Variants in PHLPP1 observed in about 807,000 individuals in gnomAD.
The protein encoded by PHLPP1 is PH domain leucine-rich repeat-containing protein phosphatase 1.
PHLPP1 carries 42 observed loss-of-function variants against 117.2 expected under a neutral mutation model. That is an observed-to-expected ratio of 0.36 (90% confidence interval 0.28 to 0.46). The LOEUF is 0.46. PHLPP1 is among the 20% of genes least tolerant of loss of function. The pLI, the probability that PHLPP1 is intolerant of heterozygous loss-of-function variation, is 1.00. For synonymous variants in PHLPP1, 1,042 were observed against 970.7 expected, an observed-to-expected ratio of 1.07 and a Z score of -1.37; for missense variants, 2,084 against 2,241.9, an observed-to-expected ratio of 0.93 and a Z score of 1.42.
At position 62,972,601 on chromosome 18, in the gene PHLPP1, G is replaced by A; in HGVS notation, c.3648G>A (p.Glu1216=). 1 of 1,613,914 alleles carries A rather than the reference G, an allele frequency of 6.2e-7. No individual in the cohort carries two copies. The highest frequency in any genetic ancestry group is 8.5e-7 in the Non-Finnish European group (1 of 1,179,838). The change falls in exon 15 of 17, where the codon GAG becomes GAA. Residue 1216 remains glutamate, a synonymous_variant. Coordinates refer to ENST00000262719, the MANE Select transcript of PHLPP1 (RefSeq NM_194449.4). ...TGTTTGACGGAGACCGGAATGTGGA[G>A]GTGCCCTACCTTCTCCAGTGCACTA... is the stretch of plus-strand genomic sequence containing the variant. ...YGVFDGDRNV[E]VPYLLQCTMS...
At chr18:62,915,751 T>G (rs1909250099) in intron 9 of PHLPP1, among the ~76,000 whole-genome samples, 1 of 152,254 alleles carries the variant, frequency 6.6e-6, no homozygotes, top group Admixed American at 6.5e-5. Flanking sequence ...TGAAGTGCTC[T>G]GCATCTGTGC....
chr18:62,914,337 G>A (rs1157662548), intron 8 of PHLPP1, among the ~76,000 whole-genome samples: 1 of 152,134 alleles, frequency 6.6e-6, no homozygotes, highest in South Asian at 2.1e-4. Context: ...CTTGGCATAG[G>A]TCTATAGACC....
intron 1 of PHLPP1, among the ~76,000 whole-genome samples, chr18:62,744,252 C>G (rs908041577): frequency 6.6e-6 from 1 of 152,202 alleles, no homozygotes; most frequent in Non-Finnish European, 1.5e-5. Context: ...GCACCTGGTG[C>G]GAGCACACTC....
chr18:62,838,599 T>G, intron 2 of PHLPP1, 185 bp from the exon 3 acceptor site: 1 of 518,810 alleles, frequency 1.9e-6, no homozygotes, highest in Non-Finnish European at 3.4e-6. Context: ...AACTCCCCCT[T>G]TTTTGGTTTC....
intron 14 of PHLPP1, among the ~76,000 whole-genome samples, chr18:62,969,488 G>A (rs1292873793): frequency 6.6e-6 from 1 of 152,058 alleles, no homozygotes; most frequent in Non-Finnish European, 1.5e-5. Flanking sequence ...AAAAAAAATT[G>A]CTGTTGGGTA....
chr18:62,901,395 AAG>A (rs1347892796), intron 6 of PHLPP1, among the ~76,000 whole-genome samples: 5 of 152,194 alleles, frequency 3.3e-5, no homozygotes, highest in African/African-American at 9.7e-5. Context: ...AAAAAAGAGA[AAG>A]AGCCAAAAAA....
chr18:62,886,951 A>G (rs1916301373), intron 4 of PHLPP1, among the ~76,000 whole-genome samples: 1 of 152,220 alleles, frequency 6.6e-6, no homozygotes, highest in Non-Finnish European at 1.5e-5. Flanking sequence ...TGGAAAATGA[A>G]GTCAGTCTTT....
chr18:62,862,311 C>T (rs144080789), intron 4 of PHLPP1, among the ~76,000 whole-genome samples: 235 of 152,058 alleles, frequency 1.5e-3, no homozygotes, highest in African/African-American at 5.5e-3. Flanking sequence ...GAACTCCTGA[C>T]CTGAAGTGAT....
intron 10 of PHLPP1, among the ~76,000 whole-genome samples, chr18:62,939,552 G>A (rs188209700): frequency 1.3e-5 from 2 of 151,650 alleles, no homozygotes; most frequent in Admixed American, 1.3e-4. Context: ...GAAACTGCAG[G>A]AGTGACCTTT....
intron 1 of PHLPP1, among the ~76,000 whole-genome samples, chr18:62,787,790 G>C (rs890790241): frequency 1.3e-5 from 2 of 152,128 alleles, no homozygotes; most frequent in African/African-American, 2.4e-5. Context: ...ACCGTGCAGC[G>C]GGGGTGGGGG....
chr18:62,741,235 C>G (rs1179339705), intron 1 of PHLPP1, among the ~76,000 whole-genome samples: 1 of 152,142 alleles, frequency 6.6e-6, no homozygotes, highest in South Asian at 2.1e-4. Flanking sequence ...CTGTAGAGTT[C>G]GGTTGTTTTT....
intron 4 of PHLPP1, among the ~76,000 whole-genome samples, chr18:62,863,920 C>T (rs1915698548): frequency 6.6e-6 from 1 of 152,138 alleles, no homozygotes. Flanking sequence ...TTTACCCAGC[C>T]CCTATTCAAG....
intron 4 of PHLPP1, among the ~76,000 whole-genome samples, chr18:62,889,345 T>A (rs999959522): frequency 6.6e-6 from 1 of 152,222 alleles, no homozygotes; most frequent in Admixed American, 6.5e-5. Context: ...CGAGTATAAA[T>A]GGAGAGCCAC....
At chr18:62,825,847 A>G (rs1914599165) in intron 1 of PHLPP1, among the ~76,000 whole-genome samples, 1 of 152,176 alleles carries the variant, frequency 6.6e-6, no homozygotes, top group Non-Finnish European at 1.5e-5. Context: ...GATAAATATT[A>G]TCTGTCTAAA....
At chr18:62,795,162 C>T (rs1322175033) in intron 1 of PHLPP1, among the ~76,000 whole-genome samples, 1 of 151,794 alleles carries the variant, frequency 6.6e-6, no homozygotes, top group Non-Finnish European at 1.5e-5. Flanking sequence ...TTTTTACAAC[C>T]CTCTAAATTT....
chr18:62,778,720 A>G (rs1000181765), intron 1 of PHLPP1, among the ~76,000 whole-genome samples: 1 of 152,310 alleles, frequency 6.6e-6, no homozygotes, highest in East Asian at 1.9e-4. Context: ...TAAAACTTCT[A>G]TTACTGCTAT....
At chr18:62,747,276 CTTTT>C (rs564178033) in intron 1 of PHLPP1, among the ~76,000 whole-genome samples, 3 of 123,210 alleles carry the variant, frequency 2.4e-5, no homozygotes, top group Non-Finnish European at 3.4e-5. Flanking sequence ...TCTTCATTTC[CTTTT>C]TTTTTTTTTT....
chr18:62,750,710 C>T (rs1260214490), intron 1 of PHLPP1, among the ~76,000 whole-genome samples: 1 of 150,330 alleles, frequency 6.7e-6, no homozygotes, highest in Non-Finnish European at 1.5e-5. Flanking sequence ...GGGTGAATTT[C>T]CTAGTTGTTT....
chr18:62,762,580 A>G (rs535151690), intron 1 of PHLPP1, among the ~76,000 whole-genome samples: 37 of 151,346 alleles, frequency 2.4e-4, no homozygotes, highest in South Asian at 1.3e-3. Flanking sequence ...TGCCCAGCTA[A>G]TTTTTGCATT....
Sources: gnomAD v4.1 joint callset for allele counts (sites outside exome capture counted in the v4.1 genomes callset) on GRCh38, gnomAD v4.1.1 for gene constraint, MANE v1.5 for transcripts, NCBI Gene and HGNC (gene_info 2026-07-23, HGNC 2026-07-21) for gene names.